FSTL4: variants seen among roughly 807,000 people sequenced by gnomAD.
FSTL4 encodes the protein follistatin-related protein 4.
Under a neutral mutation model 78.2 loss-of-function variants are expected in FSTL4, and 28 were observed. That is an observed-to-expected ratio of 0.36 (90% CI 0.27 to 0.49). The LOEUF is 0.49. FSTL4 is among the 20% of genes least tolerant of loss of function. FSTL4 has a pLI of 0.98. For missense variants in FSTL4, 922 were observed against 1,084.9 expected (o/e 0.85, Z 2.11); for synonymous variants, 422 against 440.5 (o/e 0.96, Z 0.53).
intron 4 of FSTL4, among the ~76,000 whole-genome samples, chr5:133,376,773 C>T (rs1356072861): frequency 1.3e-5 from 2 of 151,804 alleles, no homozygotes; most frequent in Admixed American, 1.3e-4. Context: ...CCTATAATCC[C>T]AGCTACTTGG....
At chr5:133,268,959 A>G (rs1323842489) in intron 6 of FSTL4, among the ~76,000 whole-genome samples, 1 of 152,000 alleles carries the variant, frequency 6.6e-6, no homozygotes, top group Non-Finnish European at 1.5e-5. Flanking sequence ...AGGTGGGTAG[A>G]TCACCAGGTC....
chr5:133,223,987 T>G, intron 11 of FSTL4: 1 of 519,210 alleles, frequency 1.9e-6, no homozygotes, highest in Non-Finnish European at 3.5e-6. Context: ...ATGAAAGCTT[T>G]GCATTTAAAA....
In FSTL4 at chr5:133,260,181, G is replaced by A. The variant is rs1405549854; in HGVS notation, c.728-10605C>T. On this transcript the variant is annotated intron_variant, in intron 6 of 15. Transcript: ENST00000265342. ...TGTCCGGCGGGCCGCTCGAGCAGCC[G>A]AAGGCAGACACAGAGCCTCCCCTAC... 2.0e-5 allele frequency among the ~76,000 whole-genome samples: 3 copies of A among 152,158 alleles called. No individual in the cohort carries two copies. In the South Asian group the frequency reaches 6.2e-4, roughly 31 times the overall value.
intron 3 of FSTL4, among the ~76,000 whole-genome samples, chr5:133,485,358 C>A (rs1052612314): frequency 8.5e-5 from 13 of 152,214 alleles, no homozygotes; most frequent in South Asian, 6.2e-4. Flanking sequence ...CCTTTATGGG[C>A]AGGTAATGGC....
chr5:133,383,331 C>T (rs199837720), intron 4 of FSTL4, among the ~76,000 whole-genome samples: 14 of 152,224 alleles, frequency 9.2e-5, no homozygotes, highest in Admixed American at 5.9e-4. Flanking sequence ...TTCTCAGATG[C>T]GCAGCTGTGC....
At chr5:133,689,847 G>A in the FSTL4 span, among the ~76,000 whole-genome samples, 4 of 152,116 alleles carry the variant, frequency 2.6e-5, no homozygotes, top group Admixed American at 6.5e-5. Context: ...GATCACCTGA[G>A]GTCAGGTGTT....
At chr5:133,642,249 C>T in the FSTL4 span, among the ~76,000 whole-genome samples, 1 of 152,150 alleles carries the variant, frequency 6.6e-6, no homozygotes. Context: ...AGAAGTGCTA[C>T]CAGCGTTAGT....
chr5:133,701,509 A>ACACACACACCCC, the FSTL4 span, among the ~76,000 whole-genome samples: 412 of 132,646 alleles, frequency 3.1e-3, 2 homozygotes, highest in East Asian at 0.022. Flanking sequence ...ACACACACAC[A>ACACACACACCCC]CCCCACAGGC....
intron 7 of FSTL4, among the ~76,000 whole-genome samples, chr5:133,239,210 A>T (rs1312217310): frequency 1.3e-5 from 2 of 149,182 alleles, no homozygotes; most frequent in Non-Finnish European, 3.0e-5. Flanking sequence ...GCAGCCCGCC[A>T]TGCCTGAGCC....
At chr5:133,770,410 A>T in the FSTL4 span, among the ~76,000 whole-genome samples, 1 of 152,126 alleles carries the variant, frequency 6.6e-6, no homozygotes. Context: ...ACTTTTTAAT[A>T]ATAGCCATTC....
the FSTL4 span, among the ~76,000 whole-genome samples, chr5:133,634,380 TTC>T: frequency 0.026 from 3,539 of 136,786 alleles, 152 homozygotes; most frequent in African/African-American, 0.087. Context: ...AAACAGGCTT[TTC>T]TCTCTCTCTC....
At chr5:133,512,284 C>T (rs991161565) in intron 3 of FSTL4, among the ~76,000 whole-genome samples, 13 of 151,898 alleles carry the variant, frequency 8.6e-5, no homozygotes, top group Admixed American at 6.5e-5. Flanking sequence ...AGACTCGATA[C>T]TGATCATACA....
chr5:133,392,807 G>A (rs1281554612), intron 4 of FSTL4, among the ~76,000 whole-genome samples: 2 of 152,288 alleles, frequency 1.3e-5, no homozygotes, highest in East Asian at 1.9e-4. Flanking sequence ...AAACAATGTG[G>A]GGGACTCGGA....
intron 2 of FSTL4, among the ~76,000 whole-genome samples, chr5:133,579,935 A>G (rs1275769866): frequency 1.3e-5 from 2 of 152,228 alleles, no homozygotes; most frequent in African/African-American, 4.8e-5. Context: ...AGCCTCTGAG[A>G]AGGTGAGCAA....
intron 4 of FSTL4, among the ~76,000 whole-genome samples, chr5:133,336,289 A>G (rs1264648179): frequency 6.7e-6 from 1 of 149,074 alleles, no homozygotes; most frequent in Admixed American, 6.6e-5. Context: ...TCATCACTCA[A>G]CAAACAAGCA....
intron 2 of FSTL4, among the ~76,000 whole-genome samples, chr5:133,574,008 T>A (rs1267208917): frequency 6.6e-6 from 1 of 152,206 alleles, no homozygotes; most frequent in East Asian, 1.9e-4. Flanking sequence ...TTAAAGAGGA[T>A]GTGAAAAGCA....
intron 4 of FSTL4, among the ~76,000 whole-genome samples, chr5:133,399,807 G>C (rs25737): frequency 0.4 from 61,570 of 152,148 alleles, 12,548 homozygotes; most frequent in South Asian, 0.43. Context: ...GTGGGCTCTC[G>C]TAGCTCAGGC....
chr5:133,692,553 A>T, the FSTL4 span, among the ~76,000 whole-genome samples: 2 of 152,196 alleles, frequency 1.3e-5, no homozygotes, highest in South Asian at 4.1e-4. Flanking sequence ...AAAGCACAGA[A>T]ATTGACACGG....
At chr5:133,601,207 C>T (rs1222403739) in intron 2 of FSTL4, among the ~76,000 whole-genome samples, 1 of 152,136 alleles carries the variant, frequency 6.6e-6, no homozygotes, top group Non-Finnish European at 1.5e-5. Context: ...TTTGGAAGCA[C>T]CAGAGTGACT....
Sources: gnomAD v4.1 joint callset for allele counts (sites outside exome capture counted in the v4.1 genomes callset) on GRCh38, gnomAD v4.1.1 for gene constraint, MANE v1.5 for transcripts, NCBI Gene and HGNC (gene_info 2026-07-23, HGNC 2026-07-21) for gene names.